The following USP47 variants were observed in gnomAD, a reference collection of about 807,000 sequenced individuals.
The protein encoded by USP47 is ubiquitin specific peptidase 47, also known as ubiquitin carboxyl-terminal hydrolase 47.
A neutral mutation model predicts 165.1 loss-of-function variants in USP47; 35 were observed. That is an observed-to-expected ratio of 0.21 (90% CI 0.16 to 0.28). USP47 has a LOEUF of 0.28. Ranked by LOEUF, USP47 falls within the 10% of genes least tolerant of loss-of-function variation. The pLI is 1.00. For missense variants in USP47, 1,277 were observed against 1,607.4 expected (o/e 0.79, Z 3.52); for synonymous variants, 531 against 544.5 (o/e 0.98, Z 0.35).
At chr11:11,940,218 A>G (rs890996371) in intron 18 of USP47, among the ~76,000 whole-genome samples, 20 of 152,010 alleles carry the variant, frequency 1.3e-4, no homozygotes, top group African/African-American at 4.3e-4. Flanking sequence ...ACATTTATAA[A>G]TGGTACTTTG....
chr11:11,945,780 T>A lies in USP47; in HGVS notation c.3092-2165T>A, dbSNP rs999384214. Among the ~76,000 whole-genome samples, 25 of 151,580 alleles carry A rather than the reference T, an allele frequency of 1.6e-4. No individual in the cohort carries two copies. In the East Asian group the frequency reaches 2.0e-3, roughly 12 times the overall value. ...TAAGACCCCATCTCTACAAAAAAAA[T>A]TTTTTTAATTAGCCAGCGTGGTCAT... On this transcript the variant is annotated intron_variant, in intron 20 of 27. Transcript: ENST00000527733.
intron 1 of USP47, among the ~76,000 whole-genome samples, chr11:11,849,488 T>C (rs1436484875): frequency 6.6e-6 from 1 of 152,148 alleles, no homozygotes; most frequent in Non-Finnish European, 1.5e-5. Flanking sequence ...AACAAAGAAT[T>C]AGAAGGCCCA....
rs1300802562 is a variant in USP47 at position 11,892,380 on chromosome 11, C to CTTTTTTTT, written c.496+286_496+293dup. ...AGACTTTTCTTTTCTTTTTAATTTT[C>CTTTTTTTT]TTTTTTTTTTTTTTTTTTTGAGACA... On this transcript the variant is annotated intron_variant, in intron 4 of 27. Coordinates refer to ENST00000527733, the MANE Select transcript of USP47 (RefSeq NM_001282659.2). 6.6e-5 allele frequency among the ~76,000 whole-genome samples: 8 copies of CTTTTTTTT among 121,146 alleles called. 1 individual carries two copies. Among genetic ancestry groups the CTTTTTTTT allele is most frequent in the Non-Finnish European group, 1.0e-4 (6 of 59,346 alleles). The allele number at this position is 121,146 out of a possible 152,430, so 79.5% of individuals were successfully genotyped here.
At position 11,956,211 on chromosome 11, in the gene USP47, G is replaced by A. The variant is rs778356282; in HGVS notation, c.*36G>A. On this transcript the variant is annotated 3_prime_UTR_variant, in exon 28 of 28. Coordinates refer to ENST00000527733, the MANE Select transcript of USP47 (RefSeq NM_001282659.2). ...GTAGCATTTTCCCTGGGGGAGTTTT[G>A]GTTTTAATTAGATGGTTCACTACCA... 1 of 1,609,658 alleles carries A rather than the reference G, an allele frequency of 6.2e-7. No homozygotes were observed. Among genetic ancestry groups the A allele is most frequent in the Non-Finnish European group, 8.5e-7 (1 of 1,178,118 alleles).
intron 8 of USP47, among the ~76,000 whole-genome samples, chr11:11,909,236 C>G (rs1235352135): frequency 6.6e-6 from 1 of 151,870 alleles, no homozygotes; most frequent in Non-Finnish European, 1.5e-5. Flanking sequence ...TTTATTAATC[C>G]TGAAAAATTA....
rs1234822294 is a variant in USP47 at position 11,961,743 on chromosome 11, A to C, written c.*5568A>C. The stretch of plus-strand genomic sequence containing the variant: ...GCCCTCCCCTTACATTTCCTGGGTC[A>C]TGGGGCCAGCCCTAGCTGCTGGAGG... On this transcript the variant is annotated 3_prime_UTR_variant, in exon 28 of 28. Transcript: ENST00000527733. Among the ~76,000 whole-genome samples the C allele has an allele frequency of 6.6e-6, 1 of 152,238 alleles. No individual in the cohort carries two copies. The highest frequency in any genetic ancestry group is 1.5e-5 in the Non-Finnish European group (1 of 68,038).
chr11:11,933,597 T>C (rs1199570818), intron 15 of USP47, among the ~76,000 whole-genome samples: 1 of 152,092 alleles, frequency 6.6e-6, no homozygotes, highest in African/African-American at 2.4e-5. Flanking sequence ...TACATAAATA[T>C]GATACATGCT....
intron 24 of USP47, chr11:11,951,565 T>C (rs1856228237): frequency 6.6e-6 from 1 of 152,214 alleles, no homozygotes; most frequent in Non-Finnish European, 1.5e-5. Flanking sequence ...TATTCTTTTT[T>C]TGCTGTTGCT....
chr11:11,933,308 T>G (rs1001635655), intron 15 of USP47, among the ~76,000 whole-genome samples, 192 bp downstream of exon 15: 3 of 152,132 alleles, frequency 2.0e-5, no homozygotes, highest in African/African-American at 4.8e-5. Flanking sequence ...TAACATGTAG[T>G]GACGGTGCTC....
Position 11,905,528 on chromosome 11 carries a change from A to G in USP47, c.949A>G (p.Ser317Gly). The G allele has an allele frequency of 6.2e-7, 1 of 1,607,520 alleles. No homozygotes were observed. The highest frequency in any genetic ancestry group is 1.1e-5 in the South Asian group (1 of 90,372). The change falls in exon 8 of 28, where the codon AGC becomes GGC. Residue 317 changes from serine to glycine, a missense_variant. This residue lies in a region of USP47 where 175 missense variants were observed against 295.8 expected (regional missense o/e 0.59). Coordinates refer to ENST00000527733, the MANE Select transcript of USP47 (RefSeq NM_001282659.2). ...IPLVIRPYGS[S>G]QAFASVEEAL... The stretch of plus-strand genomic sequence containing the variant: ...ATTGGTCATCCGACCTTATGGGTCC[A>G]GCCAAGCATTTGCTAGTGTGGTGTG...
intron 10 of USP47, among the ~76,000 whole-genome samples, chr11:11,921,002 TA>T: frequency 6.6e-6 from 1 of 151,916 alleles, no homozygotes. Flanking sequence ...AAACTTTATT[TA>T]AATAATTTAA....
chr11:11,929,959 C>G, intron 12 of USP47, 85 bp from the exon 13 acceptor site: 1 of 1,121,546 alleles, frequency 8.9e-7, no homozygotes, highest in Non-Finnish European at 1.3e-6. Context: ...GCATTTAACT[C>G]TGAGGCTAAA....
At chr11:11,844,058 A>C (rs1848292867) in intron 1 of USP47, among the ~76,000 whole-genome samples, 1 of 152,012 alleles carries the variant, frequency 6.6e-6, no homozygotes, top group South Asian at 2.1e-4. Flanking sequence ...TTTGATGGCC[A>C]CACTCATTCT....
In USP47 at chr11:11,956,358, A is replaced by C; in HGVS notation, c.*183A>C. The C allele has an allele frequency of 1.9e-6, 1 of 533,808 alleles. No homozygotes were observed. Among genetic ancestry groups the C allele is most frequent in the Non-Finnish European group, 3.3e-6 (1 of 303,892 alleles). 33.1% of individuals were successfully genotyped at this position (533,808 alleles called of 1,614,324 possible). ...TGGGCCACTGTTTTGACTCGGAATC[A>C]TGTTGTGCACTATAGTCAAATGTAC... On this transcript the variant is annotated 3_prime_UTR_variant, in exon 28 of 28. Coordinates refer to ENST00000527733, the MANE Select transcript of USP47 (RefSeq NM_001282659.2).
At chr11:11,949,620 G>A (rs935949237) in intron 22 of USP47, among the ~76,000 whole-genome samples, 24 of 152,184 alleles carry the variant, frequency 1.6e-4, no homozygotes, top group Admixed American at 3.9e-4. Flanking sequence ...AAATACAAGT[G>A]TGTTATCCTA....
At position 11,853,705 on chromosome 11, in the gene USP47, T is replaced by C. The variant is rs144095523; in HGVS notation, c.39+11481T>C. 8.8e-3 allele frequency among the ~76,000 whole-genome samples: 1,345 copies of C among 152,332 alleles called. 18 individuals are homozygous for C. The highest frequency in any genetic ancestry group is 0.025 in the South Asian group (122 of 4,832). The stretch of plus-strand genomic sequence containing the variant: ...AACATGCATACATAAAGTATCCATG[T>C]ATATGAATGTTTTAATTTATGCAAA... On this transcript the variant is annotated intron_variant, in intron 1 of 27. Transcript: ENST00000527733.
chr11:11,947,829 A>G (rs1055219099), intron 20 of USP47, 116 bp from the exon 21 acceptor site: 34 of 1,048,496 alleles, frequency 3.2e-5, no homozygotes, highest in Admixed American at 2.9e-5. Flanking sequence ...AGTCTAACTG[A>G]AAAGGGGTAC....
intron 3 of USP47, among the ~76,000 whole-genome samples, chr11:11,890,874 G>T (rs148168083): frequency 6.6e-6 from 1 of 152,150 alleles, no homozygotes; most frequent in Admixed American, 6.5e-5. Context: ...GATGGATGGA[G>T]CTGGAAGTCA....
At chr11:11,890,723 C>T (rs1851458917) in intron 3 of USP47, among the ~76,000 whole-genome samples, 2 of 152,132 alleles carry the variant, frequency 1.3e-5, no homozygotes, top group Non-Finnish European at 2.9e-5. Flanking sequence ...ATGTTCACTG[C>T]AGCACTATTC....
Sources: allele counts gnomAD v4.1 joint callset (sites outside exome capture counted in the v4.1 genomes callset), GRCh38; gene constraint gnomAD v4.1.1; regional missense constraint gnomAD v4.1.1; transcripts MANE v1.5; gene names NCBI Gene and HGNC (gene_info 2026-07-23, HGNC 2026-07-21).